CSMD1: variants seen among roughly 807,000 people sequenced by gnomAD.
The protein encoded by CSMD1 is CUB and Sushi multiple domains 1.
CSMD1 carries 213 observed loss-of-function variants against 417.5 expected under a neutral mutation model. The observed-to-expected ratio is 0.51, with a 90% CI of 0.46 to 0.57. The LOEUF (loss-of-function observed/expected upper bound fraction) is 0.57, where lower values mean the gene tolerates loss of function less well. Among genes scored for constraint, CSMD1 ranks in the 20% least tolerant of loss-of-function variants. The probability of loss-of-function intolerance (pLI) is 0.00; values close to 1 mark genes in which losing one functional copy is unlikely to be tolerated. For missense variants in CSMD1, 6,923 were observed against 4,529.7 expected, an observed-to-expected ratio of 1.53 and a Z score of -15.17; for synonymous variants, 2,862 against 1,736.8, an observed-to-expected ratio of 1.65 and a Z score of -16.11.
chr8:3,110,999 C>A (rs12681407), intron 42 of CSMD1, among the ~76,000 whole-genome samples: 3,947 of 152,046 alleles, frequency 0.026, 122 homozygotes, highest in East Asian at 0.17. Context: ...AATGACATGT[C>A]CAAACACTAA....
intron 54 of CSMD1, among the ~76,000 whole-genome samples, chr8:2,983,161 A>T (rs1044140693): frequency 5.9e-5 from 9 of 152,116 alleles, no homozygotes; most frequent in Admixed American, 2.6e-4. Context: ...TATTAAACAG[A>T]ATCTATATCT....
intron 1 of CSMD1, among the ~76,000 whole-genome samples, chr8:4,936,452 A>C (rs535139934): frequency 3.4e-4 from 52 of 152,340 alleles, no homozygotes; most frequent in Admixed American, 9.1e-4. Context: ...ATTTTTGTCC[A>C]GAACATCTTA....
chr8:4,882,227 C>A (rs73659221), intron 1 of CSMD1, among the ~76,000 whole-genome samples: 2,068 of 152,004 alleles, frequency 0.014, 61 homozygotes, highest in African/African-American at 0.047. Context: ...ACACTGGGAC[C>A]AGCATCCTCT....
chr8:4,946,803 G>C (rs1353424587), intron 1 of CSMD1, among the ~76,000 whole-genome samples: 3 of 152,104 alleles, frequency 2.0e-5, no homozygotes, highest in Non-Finnish European at 2.9e-5. Flanking sequence ...AAATTAGACT[G>C]TGATTCTATT....
chr8:3,289,693 T>C (rs1803408897), intron 25 of CSMD1, among the ~76,000 whole-genome samples: 1 of 147,260 alleles, frequency 6.8e-6, no homozygotes, highest in Non-Finnish European at 1.5e-5. Flanking sequence ...TTCTTGAAAA[T>C]TTGTTGGAGT....
At chr8:4,392,084 A>G (rs1226413841) in intron 3 of CSMD1, among the ~76,000 whole-genome samples, 8 of 152,166 alleles carry the variant, frequency 5.3e-5, no homozygotes, top group Non-Finnish European at 1.0e-4. Flanking sequence ...CTGCAGCTGC[A>G]TGAGTGTCCA....
At chr8:3,607,750 C>T (rs1324681122) in intron 8 of CSMD1, among the ~76,000 whole-genome samples, 1 of 152,180 alleles carries the variant, frequency 6.6e-6, no homozygotes, top group African/African-American at 2.4e-5. Flanking sequence ...CCTATTAAAG[C>T]CCCTCCTCTG....
intron 3 of CSMD1, among the ~76,000 whole-genome samples, chr8:4,135,346 GAA>G (rs1803358787): frequency 3.6e-5 from 1 of 28,044 alleles, no homozygotes; most frequent in African/African-American, 1.1e-4. Context: ...AAGAAGGAAG[GAA>G]GGGAAAGGAG....
intron 33 of CSMD1, among the ~76,000 whole-genome samples, chr8:3,195,418 C>T (rs2129052544): frequency 6.6e-6 from 1 of 152,312 alleles, no homozygotes; most frequent in African/African-American, 2.4e-5. Flanking sequence ...AGCAAAGTCT[C>T]TAAATGCAAT....
intron 1 of CSMD1, chr8:4,788,428 C>T: frequency 7.5e-7 from 1 of 1,330,366 alleles, no homozygotes; most frequent in Admixed American, 1.7e-5. Flanking sequence ...AGGGTCTTGG[C>T]TGTTCAACCA....
Position 2,998,030 on chromosome 8 carries a change from G to T in CSMD1, c.8358C>A (p.Ser2786Arg). 1 of 1,613,890 alleles carries T rather than the reference G, an allele frequency of 6.2e-7. No homozygotes were observed. The highest frequency in any genetic ancestry group is 8.5e-7 in the Non-Finnish European group (1 of 1,179,830). The change falls in exon 54 of 70, where the codon AGC (serine) becomes AGA (arginine). Residue 2786 changes from serine (S) to arginine (R), a missense_variant. Coordinates refer to ENST00000635120, the MANE Select transcript of CSMD1 (RefSeq NM_033225.6). ...TCCTACCTCGACACGTGGGCAGAGG[G>T]CTACTCCACTGGCCGTTGCTCCGAC... ...AQCRSNGQWSSPLPTCRVVNC... is the reference protein window; with the variant it reads ...AQCRSNGQWSRPLPTCRVVNC...
At chr8:4,611,596 G>T (rs575122242) in intron 2 of CSMD1, among the ~76,000 whole-genome samples, 111 of 152,252 alleles carry the variant, frequency 7.3e-4, no homozygotes, top group Non-Finnish European at 9.3e-4. Context: ...CTCACCAGAA[G>T]ATGAAACTCT....
intron 3 of CSMD1, among the ~76,000 whole-genome samples, chr8:4,328,713 C>A (rs145064678): frequency 6.6e-6 from 1 of 152,268 alleles, no homozygotes; most frequent in South Asian, 2.1e-4. Context: ...ATTAGCTATA[C>A]TATGGCTATT....
At chr8:3,218,005 C>T (rs1384202403) in intron 29 of CSMD1, among the ~76,000 whole-genome samples, 1 of 152,160 alleles carries the variant, frequency 6.6e-6, no homozygotes, top group African/African-American at 2.4e-5. Flanking sequence ...ATTTTGTTCA[C>T]ATGAGAAATA....
In CSMD1 at chr8:3,691,684, G is replaced by T. The variant is rs191416122; in HGVS notation, c.1009+16730C>A. ...GGCACTGGGCTAAGTATTTTTTATAGCAATGTAATAAACAAATAAAACCCT... is the reference window on the plus strand; with the variant it reads ...GGCACTGGGCTAAGTATTTTTTATATCAATGTAATAAACAAATAAAACCCT... On this transcript the variant is annotated intron_variant, in intron 7 of 69. Transcript: ENST00000635120. Among the ~76,000 whole-genome samples the T allele has an allele frequency of 6.0e-3, 908 of 152,082 alleles. 11 individuals are homozygous for T. Among genetic ancestry groups the T allele is most frequent in the African/African-American group, 0.021 (865 of 41,494 alleles).
At chr8:4,066,495 C>T (rs1416899757) in intron 3 of CSMD1, among the ~76,000 whole-genome samples, 2 of 152,118 alleles carry the variant, frequency 1.3e-5, no homozygotes, top group African/African-American at 4.8e-5. Flanking sequence ...AATCTATTGA[C>T]TTGATAGAAA....
chr8:4,708,244 C>G (rs1808076066), intron 1 of CSMD1, among the ~76,000 whole-genome samples: 1 of 152,172 alleles, frequency 6.6e-6, no homozygotes, highest in South Asian at 2.1e-4. Context: ...GCCACTGCAT[C>G]TGGCCTTCAG....
At chr8:4,862,414 T>C (rs941417342) in intron 1 of CSMD1, among the ~76,000 whole-genome samples, 1 of 152,210 alleles carries the variant, frequency 6.6e-6, no homozygotes, top group Middle Eastern at 3.4e-3. Flanking sequence ...AGCTGTGAAG[T>C]AGATGATGAA....
intron 5 of CSMD1, among the ~76,000 whole-genome samples, chr8:3,884,518 G>A (rs944090654): frequency 5.9e-5 from 9 of 151,996 alleles, no homozygotes; most frequent in Admixed American, 4.6e-4. Flanking sequence ...CCTCCTTCGG[G>A]GTCCCAACAC....
Sources: allele counts gnomAD v4.1 joint callset (sites outside exome capture counted in the v4.1 genomes callset), GRCh38; gene constraint gnomAD v4.1.1; transcripts MANE v1.5; gene names NCBI Gene and HGNC (gene_info 2026-07-23, HGNC 2026-07-21).